DHRS2: variants seen among roughly 807,000 people sequenced by gnomAD.
DHRS2 encodes the protein dehydrogenase/reductase 2.
DHRS2 carries 29 observed loss-of-function variants against 26.3 expected under a neutral mutation model. That is an observed-to-expected ratio of 1.10 (90% CI 0.82 to 1.50). The LOEUF (loss-of-function observed/expected upper bound fraction) is 1.50. Among genes scored for constraint, DHRS2 ranks in the 40% most tolerant of loss-of-function variants. The pLI, the probability that DHRS2 is intolerant of heterozygous loss-of-function variation, is 0.00. For synonymous variants in DHRS2, 164 were observed against 151.3 expected (o/e 1.08, Z -0.62); for missense variants, 439 against 367.1 (o/e 1.20, Z -1.60).
intron 4 of DHRS2, chr14:23,641,408 G>T: frequency 3.1e-6 from 1 of 317,890 alleles, no homozygotes; most frequent in Non-Finnish European, 6.0e-6. Context: ...CTCATGGATA[G>T]TTCTCTGCTC....
upstream of DHRS2, among the ~76,000 whole-genome samples, chr14:23,633,662 G>A (rs894108935): frequency 6.6e-6 from 1 of 152,108 alleles, no homozygotes; most frequent in Non-Finnish European, 1.5e-5. Context: ...GAACTCACAT[G>A]ACACTCATTA....
rs929404210 is a variant in DHRS2 at position 23,645,432 on chromosome 14, T to C, written c.*179T>C. 1.5e-5 allele frequency: 20 copies of C among 1,312,446 alleles called. No homozygotes were observed. Among genetic ancestry groups the C allele is most frequent in the Non-Finnish European group, 1.8e-5 (17 of 966,766 alleles). 81.3% of individuals were successfully genotyped at this position (1,312,446 alleles called of 1,614,324 possible). On this transcript the variant is annotated 3_prime_UTR_variant, in exon 9 of 9. Transcript: ENST00000250383. ...GCTTCGGCATTCTCCTTAGGACTTA[T>C]CTGCTTGTAGATTTGGCTGATCCAA...
At chr14:23,632,549 G>C (rs1890149590), upstream of DHRS2, among the ~76,000 whole-genome samples, 1 of 152,232 alleles carries the variant, frequency 6.6e-6, no homozygotes, top group African/African-American at 2.4e-5. Context: ...CCTGCATTTT[G>C]ACACTGAGTA....
chr14:23,638,954 GA>G lies in DHRS2; in HGVS notation c.92del (p.Lys31ArgfsTer8). 2 of 1,614,088 alleles carry G rather than the reference GA, an allele frequency of 1.2e-6. No individual in the cohort carries two copies. Among genetic ancestry groups the G allele is most frequent in the Non-Finnish European group, 1.7e-6 (2 of 1,180,036 alleles). On this transcript the variant is annotated frameshift_variant, in exon 2 of 9. Transcript: ENST00000250383. LOFTEE classifies it high-confidence loss of function. ...GGATGAGCAGCACCGGGATAGACAG[GA>G]AGGGCGTCCTGGCTAACCGGGTAGC... ...VRMSSTGIDR[K>X]GVLANRVAVV...
At chr14:23,633,843 A>AC (rs774109873), upstream of DHRS2, among the ~76,000 whole-genome samples, 4 of 152,204 alleles carry the variant, frequency 2.6e-5, no homozygotes, top group African/African-American at 4.8e-5. Flanking sequence ...GGAGGATTTA[A>AC]TTTTTGAATT....
chr14:23,632,179 C>T (rs1890139008), upstream of DHRS2, among the ~76,000 whole-genome samples: 1 of 152,162 alleles, frequency 6.6e-6, no homozygotes, highest in Non-Finnish European at 1.5e-5. Context: ...TCCTCCCAGC[C>T]AAGGAGACTG....
rs1351134665 is a variant in DHRS2 at position 23,639,265 on chromosome 14, C to A, written c.227C>A (p.Ala76Asp). 1.2e-6 allele frequency: 2 copies of A among 1,612,086 alleles called. No individual in the cohort carries two copies. The highest frequency in any genetic ancestry group is 8.5e-7 in the Non-Finnish European group (1 of 1,179,092). ...SSRKQQNVDRAMAKLQGEGLS... is the reference protein window; with the variant it reads ...SSRKQQNVDRDMAKLQGEGLS... The stretch of plus-strand genomic sequence containing the variant: ...CGGAAGCAGCAGAACGTGGACCGGG[C>A]CATGGCCAAGCTGCAGGGGGAGGGG... Residue 76 changes from alanine (A) to aspartate (D), a missense_variant, in exon 3 of 9, where the codon GCC becomes GAC. Ala to Asp is a moderately radical substitution (Grantham distance 126). Coordinates refer to ENST00000250383, the MANE Select transcript of DHRS2 (RefSeq NM_005794.4).
chr14:23,631,605 C>G (rs1466045697), upstream of DHRS2, among the ~76,000 whole-genome samples: 1 of 151,658 alleles, frequency 6.6e-6, no homozygotes, highest in Non-Finnish European at 1.5e-5. Context: ...GTGCTGAAGG[C>G]CATTCACCTC....
At chr14:23,634,059 C>CTTTTTTTTTT (rs58045171), upstream of DHRS2, among the ~76,000 whole-genome samples, 3 of 82,450 alleles carry the variant, frequency 3.6e-5, no homozygotes, top group Admixed American at 1.9e-4. Context: ...TTTGCCCCTT[C>CTTTTTTTTTT]TTTTTTTTTT....
At chr14:23,632,285 C>T (rs1890143893), upstream of DHRS2, among the ~76,000 whole-genome samples, 1 of 152,148 alleles carries the variant, frequency 6.6e-6, no homozygotes, top group Non-Finnish European at 1.5e-5. Context: ...AATCTGGTGT[C>T]CTGTTTAGAA....
At chr14:23,642,060 A>T in intron 4 of DHRS2, 2 of 1,088,298 alleles carry the variant, frequency 1.8e-6, no homozygotes, top group Non-Finnish European at 2.2e-6. Context: ...GAGCTTCCAG[A>T]GTGTCAGGAC....
intron 5 of DHRS2, 161 bp downstream of exon 5, chr14:23,643,380 A>G: frequency 3.1e-6 from 2 of 654,846 alleles, no homozygotes. Context: ...TGTGGCTGCC[A>G]TTCCCAATTC....
chr14:23,640,175 CA>C, intron 4 of DHRS2: 1 of 845,668 alleles, frequency 1.2e-6, no homozygotes, highest in Non-Finnish European at 1.5e-6. Context: ...TGCTGTCTGC[CA>C]GGCACCACTA....
At chr14:23,634,664 A>G (rs911796157), upstream of DHRS2, among the ~76,000 whole-genome samples, 1 of 152,194 alleles carries the variant, frequency 6.6e-6, no homozygotes, top group African/African-American at 2.4e-5. Flanking sequence ...CATTATAGAA[A>G]TGCAACACAG....
Position 23,638,821 on chromosome 14 carries a change from C to T in DHRS2, c.-38-6C>T. On this transcript the variant is annotated splice_region_variant and splice_polypyrimidine_tract_variant and intron_variant, in intron 1 of 8. Coordinates refer to ENST00000250383, the MANE Select transcript of DHRS2 (RefSeq NM_005794.4). ...AGTGATAAGTGAAATTGATTCTTTC[C>T]CCCAGGCCTGATTCAGCAGGAAGCA... The T allele has an allele frequency of 6.3e-7, 1 of 1,599,798 alleles. No individual in the cohort carries two copies. The highest frequency in any genetic ancestry group is 1.1e-5 in the South Asian group (1 of 89,026).
chr14:23,644,383 A>T, intron 6 of DHRS2, 26 bp from the exon 7 acceptor site: 1 of 1,613,666 alleles, frequency 6.2e-7, no homozygotes, highest in Non-Finnish European at 8.5e-7. Flanking sequence ...CCCATATCCT[A>T]ATCACTCTGT....
intron 1 of DHRS2, among the ~76,000 whole-genome samples, chr14:23,630,972 G>A (rs541990757): frequency 6.6e-6 from 1 of 152,246 alleles, no homozygotes; most frequent in South Asian, 2.1e-4. Context: ...CAGGTAGTAG[G>A]CATCATAGAT....
chr14:23,635,871 G>A (rs1318222806), upstream of DHRS2, among the ~76,000 whole-genome samples: 17 of 152,250 alleles, frequency 1.1e-4, no homozygotes, highest in Admixed American at 5.2e-4. Context: ...TGGGCCGGCC[G>A]GTGCCAGCTG....
intron 4 of DHRS2, chr14:23,641,537 G>T (rs1448342927): frequency 6.7e-6 from 8 of 1,202,502 alleles, no homozygotes; most frequent in Non-Finnish European, 6.4e-6. Flanking sequence ...TCCAGGAGGG[G>T]TCTTACCTCA....
Sources: gnomAD v4.1 joint callset for allele counts (sites outside exome capture counted in the v4.1 genomes callset) on GRCh38, gnomAD v4.1.1 for gene constraint, MANE v1.5 for transcripts, NCBI Gene and HGNC (gene_info 2026-07-23, HGNC 2026-07-21) for gene names.